Variants in OTUD7A observed in about 807,000 individuals in gnomAD.
OTUD7A encodes OTU deubiquitinase 7A.
Under a neutral mutation model 65.7 loss-of-function variants are expected in OTUD7A, and 12 were observed. The ratio of observed to expected loss-of-function variants is 0.18; its 90% CI spans 0.12 to 0.30. The LOEUF is 0.30. Ranked by LOEUF, OTUD7A falls within the 10% of genes least tolerant of loss-of-function variation. OTUD7A has a pLI of 1.00. For synonymous variants in OTUD7A, 641 were observed against 586.3 expected, an observed-to-expected ratio of 1.09 and a Z score of -1.35; for missense variants, 1,148 against 1,304.8, an observed-to-expected ratio of 0.88 and a Z score of 1.85.
chr15:31,589,692 T>C (rs1363719125), intron 3 of OTUD7A, among the ~76,000 whole-genome samples: 2 of 152,156 alleles, frequency 1.3e-5, no homozygotes, highest in Admixed American at 1.3e-4. Context: ...CGGATGTGAT[T>C]GTTTGGGTAA....
At chr15:31,583,017 T>C (rs1036999847) in intron 3 of OTUD7A, among the ~76,000 whole-genome samples, 4 of 151,952 alleles carry the variant, frequency 2.6e-5, no homozygotes, top group African/African-American at 9.7e-5. Context: ...CAGTGAAGGA[T>C]TGTTGAGTGA....
At position 31,498,333 on chromosome 15, in the gene OTUD7A, C is replaced by G. The variant is rs970164791; in HGVS notation, c.1171+3357G>C. 6.6e-6 allele frequency among the ~76,000 whole-genome samples: 1 copy of G among 152,176 alleles called. No individual in the cohort carries two copies. Among genetic ancestry groups the G allele is most frequent in the African/African-American group, 2.4e-5 (1 of 41,438 alleles). On this transcript the variant is annotated intron_variant, in intron 10 of 12. Coordinates refer to ENST00000307050, the MANE Select transcript of OTUD7A (RefSeq NM_001382637.1). This position sits in a 1 kb window ranked among gnomAD's most constrained non-coding sequence, Gnocchi z 4.2. ...TTATTACATTGGTTTCCTTTGATTTCTCCTGATGTGGGGGTACTAAATGGA... is the reference window on the plus strand; with the variant it reads ...TTATTACATTGGTTTCCTTTGATTTGTCCTGATGTGGGGGTACTAAATGGA...
At chr15:31,776,371 G>GT (rs1318338406) in intron 1 of OTUD7A, among the ~76,000 whole-genome samples, 1 of 152,228 alleles carries the variant, frequency 6.6e-6, no homozygotes, top group Non-Finnish European at 1.5e-5. Context: ...CTTGCTCAGT[G>GT]TATTTCCTGG....
At chr15:31,626,426 C>A (rs1468952899) in intron 3 of OTUD7A, among the ~76,000 whole-genome samples, 2 of 152,006 alleles carry the variant, frequency 1.3e-5, no homozygotes, top group African/African-American at 4.8e-5. Context: ...TTGAGCAATT[C>A]TTTCATCTTT....
At chr15:31,701,490 A>G (rs997868372) in intron 1 of OTUD7A, among the ~76,000 whole-genome samples, 2 of 152,060 alleles carry the variant, frequency 1.3e-5, no homozygotes, top group African/African-American at 4.8e-5. Context: ...TTGGCCCTGG[A>G]GGCATCAAAA....
At chr15:31,743,932 C>T (rs1435003963) in intron 1 of OTUD7A, among the ~76,000 whole-genome samples, 1 of 151,990 alleles carries the variant, frequency 6.6e-6, no homozygotes, top group African/African-American at 2.4e-5. Context: ...AAGGAGGGAA[C>T]AGCACCTCAG....
intron 8 of OTUD7A, among the ~76,000 whole-genome samples, chr15:31,506,303 C>T (rs929866008): frequency 7.3e-5 from 11 of 151,000 alleles, no homozygotes; most frequent in Admixed American, 2.0e-4. Flanking sequence ...TTTTTGATGG[C>T]GTTTTCAGTG....
intron 8 of OTUD7A, among the ~76,000 whole-genome samples, chr15:31,524,746 C>A (rs1379614654): frequency 6.6e-6 from 1 of 152,150 alleles, no homozygotes; most frequent in Middle Eastern, 3.2e-3. Flanking sequence ...CCAGGCTATC[C>A]TACATAAATG....
chr15:31,660,932 A>G (rs1892144533), intron 1 of OTUD7A, among the ~76,000 whole-genome samples: 1 of 152,214 alleles, frequency 6.6e-6, no homozygotes, highest in African/African-American at 2.4e-5. Context: ...TGAGGCTCGG[A>G]GAAGGCACAT....
intron 3 of OTUD7A, among the ~76,000 whole-genome samples, chr15:31,621,915 T>C (rs891406760): frequency 1.3e-5 from 2 of 152,224 alleles, no homozygotes; most frequent in African/African-American, 4.8e-5. Flanking sequence ...GTTGTTCCTT[T>C]CCACATTTAG....
rs1056546324 is a variant in OTUD7A, at chr15:31,477,330, G to C, written c.*5964C>G. 2.6e-5 allele frequency: 4 copies of C among 152,010 alleles called. No homozygotes were observed. Among genetic ancestry groups the C allele is most frequent in the African/African-American group, 9.7e-5 (4 of 41,192 alleles). The allele number at this position is 152,010 out of a possible 1,614,324, so 9.4% of individuals were successfully genotyped here. A position where few individuals can be genotyped will look rare whatever the true frequency, so the allele number is the denominator to read the frequency against. On this transcript the variant is annotated 3_prime_UTR_variant, in exon 13 of 13. Transcript: ENST00000307050. The stretch of plus-strand genomic sequence containing the variant: ...CAAAGGATTCTCTGGAATGGTCCAG[G>C]TCTACAGTGACCTCATGGAGTGATG...
chr15:31,730,745 C>A (rs1425193741), intron 1 of OTUD7A, among the ~76,000 whole-genome samples: 1 of 152,194 alleles, frequency 6.6e-6, no homozygotes, highest in African/African-American at 2.4e-5. Context: ...ACTTCTTGTT[C>A]TCATCTCCAA....
At chr15:31,795,222 GA>G (rs1172864414) in intron 1 of OTUD7A, among the ~76,000 whole-genome samples, 1 of 152,194 alleles carries the variant, frequency 6.6e-6, no homozygotes, top group Non-Finnish European at 1.5e-5. Flanking sequence ...TTTTATGCAG[GA>G]AATTTCTCTG....
chr15:31,534,995 G>A (rs12915549), intron 5 of OTUD7A, among the ~76,000 whole-genome samples: 60,272 of 152,036 alleles, frequency 0.4, 12,422 homozygotes, highest in East Asian at 0.68. Context: ...ATTGTATTTT[G>A]CATACTAGCA....
chr15:31,497,873 G>A (rs950807285), intron 10 of OTUD7A, among the ~76,000 whole-genome samples: 4 of 152,296 alleles, frequency 2.6e-5, no homozygotes, highest in East Asian at 1.9e-4. Flanking sequence ...AAATGGGAAG[G>A]GTTAAATAGG....
At chr15:31,618,042 T>C (rs1486753247) in intron 3 of OTUD7A, among the ~76,000 whole-genome samples, 1 of 152,038 alleles carries the variant, frequency 6.6e-6, no homozygotes, top group East Asian at 1.9e-4. Flanking sequence ...GGTTTTTTGT[T>C]CTTGTGATAG....
chr15:31,536,171 C>G (rs999704613), intron 5 of OTUD7A, among the ~76,000 whole-genome samples: 1 of 152,242 alleles, frequency 6.6e-6, no homozygotes, highest in African/African-American at 2.4e-5. Flanking sequence ...ACAGGAGACT[C>G]TATCCTACCT....
chr15:31,666,521 T>C (rs1892324985), intron 1 of OTUD7A, among the ~76,000 whole-genome samples: 1 of 152,196 alleles, frequency 6.6e-6, no homozygotes, highest in African/African-American at 2.4e-5. Context: ...TTAGATTTTC[T>C]CTCTTCTTTT....
rs150014631 is a variant in OTUD7A at position 31,845,644 on chromosome 15, C to A, written c.-100+24863G>T. 5.2e-3 allele frequency among the ~76,000 whole-genome samples: 788 copies of A among 152,332 alleles called. 6 individuals are homozygous for A. The highest frequency in any genetic ancestry group is 0.018 in the African/African-American group (758 of 41,588). On this transcript the variant is annotated intron_variant, in intron 1 of 12. Coordinates refer to ENST00000307050, the MANE Select transcript of OTUD7A (RefSeq NM_001382637.1). ...CCCTCAGGAAGGGCTGGCCTGGGGACTCTGCGACCTCCCACTGCTCTTCAT... is the reference window on the plus strand; with the variant it reads ...CCCTCAGGAAGGGCTGGCCTGGGGAATCTGCGACCTCCCACTGCTCTTCAT...
Sources: gnomAD v4.1 joint callset for allele counts (sites outside exome capture counted in the v4.1 genomes callset) on GRCh38, gnomAD v4.1.1 for gene constraint, Gnocchi (gnomAD v3.1) non-coding constraint, MANE v1.5 for transcripts, NCBI Gene and HGNC (gene_info 2026-07-23, HGNC 2026-07-21) for gene names.